PRKCQ: variants seen among roughly 807,000 people sequenced by gnomAD.
PRKCQ encodes the protein protein kinase C theta, also known as protein kinase C theta type.
Under a neutral mutation model 91.2 loss-of-function variants are expected in PRKCQ, and 41 were observed. That is an observed-to-expected ratio of 0.45 (90% CI 0.35 to 0.58). The LOEUF is 0.58. Ranked by LOEUF, PRKCQ falls within the 20% of genes least tolerant of loss-of-function variation. PRKCQ has a pLI of 0.00. For missense variants in PRKCQ, 673 were observed against 896.5 expected, an observed-to-expected ratio of 0.75 and a Z score of 3.18; for synonymous variants, 307 against 316.9, an observed-to-expected ratio of 0.97 and a Z score of 0.33.
At chr10:6,450,243 A>G (rs1834578274) in intron 15 of PRKCQ, among the ~76,000 whole-genome samples, 1 of 149,554 alleles carries the variant, frequency 6.7e-6, no homozygotes, top group East Asian at 1.9e-4. Flanking sequence ...AGGAAGATCT[A>G]CCAAGCAAAT....
At chr10:6,551,067 C>T (rs189470174) in intron 1 of PRKCQ, among the ~76,000 whole-genome samples, 2 of 152,158 alleles carry the variant, frequency 1.3e-5, no homozygotes, top group Admixed American at 1.3e-4. Context: ...ACTTGTGCCA[C>T]GGGGGTTTGT....
At chr10:6,579,807 A>G (rs1841394659) in intron 1 of PRKCQ, among the ~76,000 whole-genome samples, 1 of 148,516 alleles carries the variant, frequency 6.7e-6, no homozygotes, top group South Asian at 2.1e-4. Context: ...TGGACAGGAT[A>G]CCATCTCCAG....
intron 12 of PRKCQ, among the ~76,000 whole-genome samples, chr10:6,472,708 T>A (rs1174139938): frequency 6.6e-6 from 1 of 152,180 alleles, no homozygotes; most frequent in Non-Finnish European, 1.5e-5. Flanking sequence ...CTTCCTGACT[T>A]CTTTTATTCT....
chr10:6,511,178 A>G lies in PRKCQ; in HGVS notation c.135T>C (p.Tyr45=). The G allele has an allele frequency of 6.2e-7, 1 of 1,614,034 alleles. No homozygotes were observed. The change falls in exon 3 of 18, where the codon TAT becomes TAC. Residue 45 remains tyrosine, a synonymous_variant. Transcript: ENST00000263125. ...EYVESENGQM[Y]IQKKPTMYPP... ...GGTACATGGTAGGCTTTTTCTGGAT[A>G]TACATCTGCCCGTTCTCTAGGAACA...
intron 12 of PRKCQ, among the ~76,000 whole-genome samples, chr10:6,469,797 A>C (rs1835863611): frequency 6.6e-6 from 1 of 152,178 alleles, no homozygotes. Flanking sequence ...CATTATAAGG[A>C]AAACAAAAGA....
chr10:6,402,284 T>G, the PRKCQ span, among the ~76,000 whole-genome samples: 2 of 147,132 alleles, frequency 1.4e-5, no homozygotes, highest in Non-Finnish European at 3.0e-5. Context: ...CGTGCATACC[T>G]ATGTAACAAA....
At chr10:6,458,311 G>A (rs1835136048) in intron 14 of PRKCQ, among the ~76,000 whole-genome samples, 1 of 152,186 alleles carries the variant, frequency 6.6e-6, no homozygotes, top group Non-Finnish European at 1.5e-5. Flanking sequence ...TGGGGGTGAG[G>A]AAGGAGTGCC....
chr10:6,409,514 T>G, the PRKCQ span, among the ~76,000 whole-genome samples: 1 of 152,040 alleles, frequency 6.6e-6, no homozygotes, highest in Non-Finnish European at 1.5e-5. Context: ...AGGCTGGTCT[T>G]GAACTCCTGA....
intron 1 of PRKCQ, chr10:6,515,416 A>C (rs1030452334): frequency 1.0e-6 from 1 of 985,272 alleles, no homozygotes; most frequent in African/African-American, 1.7e-5. Context: ...AGTTCCATTC[A>C]ACCTAATGGA....
chr10:6,401,122 C>A, the PRKCQ span, among the ~76,000 whole-genome samples: 6 of 152,170 alleles, frequency 3.9e-5, no homozygotes, highest in Non-Finnish European at 5.9e-5. Flanking sequence ...GTGGTGACCC[C>A]TCAGAACATT....
At chr10:6,416,860 A>G in the PRKCQ span, among the ~76,000 whole-genome samples, 1 of 152,186 alleles carries the variant, frequency 6.6e-6, no homozygotes, top group Non-Finnish European at 1.5e-5. Context: ...TTTTCACCAC[A>G]TCCCTGCCAA....
intron 12 of PRKCQ, among the ~76,000 whole-genome samples, chr10:6,466,372 C>T (rs1835655840): frequency 6.6e-6 from 1 of 152,106 alleles, no homozygotes; most frequent in African/African-American, 2.4e-5. Context: ...TTGAATTGGC[C>T]ATTAAAGTCT....
chr10:6,516,391 A>G (rs1838757258), intron 1 of PRKCQ, among the ~76,000 whole-genome samples: 1 of 152,208 alleles, frequency 6.6e-6, no homozygotes, highest in Non-Finnish European at 1.5e-5. Flanking sequence ...TTGGGTAAAC[A>G]TCATGATTTG....
chr10:6,444,466 C>T (rs1271875180), intron 15 of PRKCQ, among the ~76,000 whole-genome samples: 1 of 151,958 alleles, frequency 6.6e-6, no homozygotes, highest in Non-Finnish European at 1.5e-5. Flanking sequence ...AATAGTGGCA[C>T]ATAAAATTTT....
Position 6,430,973 on chromosome 10 carries a change from CA to C in PRKCQ, c.1837-36del. On this transcript the variant is annotated intron_variant, in intron 16 of 17. Coordinates refer to ENST00000263125, the MANE Select transcript of PRKCQ (RefSeq NM_006257.5). This position sits in a 1 kb window ranked among gnomAD's most constrained non-coding sequence, Gnocchi z 4.7. ...AGCAGAGCAGGAGCCCTGAGGTCTC[CA>C]GGGATGACCCTTTTGCATCAGGAGG... The C allele has an allele frequency of 6.2e-7, 1 of 1,601,318 alleles. No individual in the cohort carries two copies. The highest frequency in any genetic ancestry group is 1.3e-5 in the African/African-American group (1 of 74,552).
At chr10:6,447,151 G>A (rs1005013218) in intron 15 of PRKCQ, among the ~76,000 whole-genome samples, 5 of 152,186 alleles carry the variant, frequency 3.3e-5, no homozygotes, top group African/African-American at 1.2e-4. Context: ...GCTCACACCT[G>A]TAATCCCAGC....
At chr10:6,404,587 CTTT>C in the PRKCQ span, among the ~76,000 whole-genome samples, 5 of 107,898 alleles carry the variant, frequency 4.6e-5, no homozygotes, top group Non-Finnish European at 7.5e-5. Context: ...TTCTTTCTTT[CTTT>C]TTTTCTCTCT....
the PRKCQ span, among the ~76,000 whole-genome samples, chr10:6,421,519 C>CA: frequency 6.6e-6 from 1 of 152,198 alleles, no homozygotes; most frequent in South Asian, 2.1e-4. This position sits in a 1 kb window ranked among gnomAD's most constrained non-coding sequence, Gnocchi z 4.1. Flanking sequence ...ATCTCAGCTA[C>CA]ATTTCAAGCC....
intron 1 of PRKCQ, among the ~76,000 whole-genome samples, chr10:6,532,078 G>A (rs1025298183): frequency 1.3e-5 from 2 of 152,178 alleles, no homozygotes. Context: ...CATGCACAGA[G>A]TATTAATATT....
Sources: gnomAD v4.1 joint callset for allele counts (sites outside exome capture counted in the v4.1 genomes callset) on GRCh38, gnomAD v4.1.1 for gene constraint, Gnocchi (gnomAD v3.1) non-coding constraint, MANE v1.5 for transcripts, NCBI Gene and HGNC (gene_info 2026-07-23, HGNC 2026-07-21) for gene names.